UNC79: variants seen among roughly 807,000 people sequenced by gnomAD.
UNC79 encodes unc-79 subunit of NALCN channel complex.
A neutral mutation model predicts 283.1 loss-of-function variants in UNC79; 37 were observed. The observed-to-expected ratio is 0.13, with a 90% CI of 0.10 to 0.17. UNC79 has a LOEUF of 0.17. Ranked by LOEUF, UNC79 falls within the 10% of genes least tolerant of loss-of-function variation. The probability of loss-of-function intolerance (pLI) is 1.00; values close to 1 mark genes in which losing one functional copy is unlikely to be tolerated. For synonymous variants in UNC79, 1,107 were observed against 1,200.2 expected, an observed-to-expected ratio of 0.92 and a Z score of 1.61; for missense variants, 2,272 against 3,211.1, an observed-to-expected ratio of 0.71 and a Z score of 7.07.
chr14:93,364,383 T>TTA (rs2054287829), intron 1 of UNC79, among the ~76,000 whole-genome samples: 1 of 152,040 alleles, frequency 6.6e-6, no homozygotes, highest in African/African-American at 2.4e-5. Flanking sequence ...TTGCTCAATG[T>TTA]TATATATGTG....
At chr14:93,465,168 G>C (rs967965950) in intron 1 of UNC79, among the ~76,000 whole-genome samples, 3 of 151,718 alleles carry the variant, frequency 2.0e-5, no homozygotes, top group Non-Finnish European at 4.4e-5. Context: ...TACCTACTAG[G>C]TGTCTGGCAC....
chr14:93,562,008 G>A (rs889933757), intron 14 of UNC79, among the ~76,000 whole-genome samples: 4 of 152,230 alleles, frequency 2.6e-5, no homozygotes, highest in East Asian at 3.9e-4. Flanking sequence ...TAGAATGAAG[G>A]GATGTATTAG....
Position 93,559,714 on chromosome 14 carries a change from T to C in UNC79, c.1756-12180T>C, listed in dbSNP as rs139299825. Among the ~76,000 whole-genome samples, 1,304 of 152,256 alleles carry C rather than the reference T, an allele frequency of 8.6e-3. 20 individuals carry two copies. The highest frequency in any genetic ancestry group is 0.03 in the African/African-American group (1,249 of 41,544). ...TCACTTCTTTTGTGGTGGAATGTCATCAGTTAAGGCAGGAACCGACCATTT... is the reference window on the plus strand; with the variant it reads ...TCACTTCTTTTGTGGTGGAATGTCACCAGTTAAGGCAGGAACCGACCATTT... On this transcript the variant is annotated intron_variant, in intron 14 of 48. Transcript: ENST00000555664.
At chr14:93,516,061 T>C (rs975595174) in intron 7 of UNC79, among the ~76,000 whole-genome samples, 1 of 152,112 alleles carries the variant, frequency 6.6e-6, no homozygotes, top group African/African-American at 2.4e-5. Context: ...TTTAAGGATA[T>C]CCAGTTGTTT....
intron 1 of UNC79, among the ~76,000 whole-genome samples, chr14:93,445,151 G>T (rs1369270391): frequency 6.6e-6 from 1 of 151,964 alleles, no homozygotes; most frequent in Non-Finnish European, 1.5e-5. Flanking sequence ...CTTATATCCT[G>T]TACCCCTACC....
At chr14:93,667,035 T>A (rs181306852) in intron 40 of UNC79, among the ~76,000 whole-genome samples, 218 of 151,818 alleles carry the variant, frequency 1.4e-3, no homozygotes, top group Non-Finnish European at 1.4e-3. Flanking sequence ...ACCCAGGAGT[T>A]TGAGGCTGCC....
chr14:93,504,671 T>TGCAA (rs1384763866), intron 7 of UNC79, among the ~76,000 whole-genome samples: 1 of 152,064 alleles, frequency 6.6e-6, no homozygotes, highest in African/African-American at 2.4e-5. Context: ...AGTATGTAGA[T>TGCAA]GCAATTAATT....
At chr14:93,549,075 G>GA (rs375951169) in intron 14 of UNC79, among the ~76,000 whole-genome samples, 3 of 152,222 alleles carry the variant, frequency 2.0e-5, no homozygotes, top group African/African-American at 7.2e-5. Flanking sequence ...TAAAAAATAA[G>GA]AAGCTAAAAG....
chr14:93,630,859 T>A (rs1312684114), exon 31 of UNC79: 2 of 1,614,076 alleles, frequency 1.2e-6, no homozygotes, highest in Non-Finnish European at 1.7e-6. Context: ...CATCTGCCCC[T>A]ACGTTAGATG....
intron 40 of UNC79, among the ~76,000 whole-genome samples, chr14:93,663,800 C>A (rs901344645): frequency 6.6e-6 from 1 of 152,090 alleles, no homozygotes; most frequent in Admixed American, 6.6e-5. Flanking sequence ...TAAGACACAG[C>A]ACCAAAAAGA....
intron 7 of UNC79, among the ~76,000 whole-genome samples, chr14:93,517,664 A>AT (rs1319888873): frequency 6.6e-6 from 1 of 151,792 alleles, no homozygotes; most frequent in South Asian, 2.1e-4. Context: ...TTTTATGCCT[A>AT]TTTTTTGTAT....
intron 1 of UNC79, among the ~76,000 whole-genome samples, chr14:93,374,846 C>T (rs997041787): frequency 5.9e-5 from 9 of 152,310 alleles, no homozygotes; most frequent in Non-Finnish European, 1.0e-4. Flanking sequence ...CATACTCGGC[C>T]TCCATTGTAT....
intron 20 of UNC79, among the ~76,000 whole-genome samples, chr14:93,583,295 G>A (rs2063949160): frequency 6.6e-6 from 1 of 150,650 alleles, no homozygotes; most frequent in South Asian, 2.1e-4. Flanking sequence ...TCCAGCCTGG[G>A]CAACAAGAGT....
intron 1 of UNC79, among the ~76,000 whole-genome samples, chr14:93,385,776 C>CA (rs772588854): frequency 0.013 from 1,574 of 119,354 alleles, 27 homozygotes; most frequent in African/African-American, 0.04. Context: ...AAGACTGTCC[C>CA]CAAAAAAAAA....
At chr14:93,647,056 C>T (rs572813056) in intron 35 of UNC79, among the ~76,000 whole-genome samples, 4 of 152,332 alleles carry the variant, frequency 2.6e-5, no homozygotes, top group Admixed American at 2.6e-4. Context: ...TGACATGATT[C>T]CTGCCGTCAT....
intron 10 of UNC79, among the ~76,000 whole-genome samples, chr14:93,532,144 T>A (rs982405935): frequency 2.0e-5 from 3 of 151,958 alleles, no homozygotes; most frequent in African/African-American, 7.3e-5. Context: ...TTTAAAAGAT[T>A]CCCCCTTCAT....
intron 1 of UNC79, among the ~76,000 whole-genome samples, chr14:93,418,208 C>T (rs1220334974): frequency 6.6e-6 from 1 of 151,586 alleles, no homozygotes; most frequent in South Asian, 2.1e-4. Context: ...GTGTGGATGC[C>T]CTTTCTGTTT....
chr14:93,477,686 A>G lies in UNC79; in HGVS notation c.577A>G (p.Ile193Val), dbSNP rs776267292. Residue 193 changes from isoleucine (I) to valine (V), a missense_variant, in exon 4 of 49, where the codon ATC becomes GTC. This residue lies in a region of UNC79 where 194 missense variants were observed against 268.9 expected (regional missense o/e 0.72). Transcript: ENST00000555664. ...CTTTCCTCCATTTCTGCACAAGGAT[A>G]TCATTGAATATCTTAGCACATCTTT... The G allele has an allele frequency of 2.2e-5, 35 of 1,613,328 alleles. No homozygotes were observed. In the Middle Eastern group the frequency reaches 1.5e-3, roughly 68 times the overall value.
chr14:93,595,230 C>T (rs542296364), intron 23 of UNC79, among the ~76,000 whole-genome samples: 8 of 152,050 alleles, frequency 5.3e-5, no homozygotes, highest in Middle Eastern at 3.4e-3. Context: ...GCTGGGACTA[C>T]GGGCACCTGC....
Sources: gnomAD v4.1 joint callset for allele counts (sites outside exome capture counted in the v4.1 genomes callset) on GRCh38, gnomAD v4.1.1 for gene constraint, gnomAD v4.1.1 regional missense constraint, MANE v1.5 for transcripts, NCBI Gene and HGNC (gene_info 2026-07-23, HGNC 2026-07-21) for gene names.